The following TBC1D31 variants were observed in gnomAD, a reference collection of about 807,000 sequenced individuals.
TBC1D31 encodes WD repeat domain 67.
Under a neutral mutation model 132.9 loss-of-function variants are expected in TBC1D31, and 99 were observed. That is an observed-to-expected ratio of 0.74 (90% CI 0.63 to 0.88). The LOEUF is 0.88. TBC1D31 is among the 40% of genes least tolerant of loss of function. The pLI is 0.00. For synonymous variants in TBC1D31, 385 were observed against 419.4 expected, an observed-to-expected ratio of 0.92 and a Z score of 1.00; for missense variants, 1,134 against 1,256.6, an observed-to-expected ratio of 0.90 and a Z score of 1.48.
In TBC1D31 at chr8:123,140,897, A is replaced by G; in HGVS notation, c.2636A>G (p.Gln879Arg). 9.3e-6 allele frequency: 15 copies of G among 1,613,138 alleles called. No individual in the cohort carries two copies. The highest frequency in any genetic ancestry group is 2.7e-5 in the African/African-American group (2 of 74,996). The change falls in exon 18 of 22, where the codon CAG becomes CGG. Residue 879 changes from glutamine (Q) to arginine (R), a missense_variant. Transcript: ENST00000287380. ...EAGETQSQKT[Q>R]KVIKENLAKA... ...GGTGAAACCCAGAGCCAGAAAACTC[A>G]GAAGGTAAAAATATGATCCATTTAG...
At chr8:123,080,147 G>A (rs1814982729) in intron 2 of TBC1D31, among the ~76,000 whole-genome samples, 1 of 152,232 alleles carries the variant, frequency 6.6e-6, no homozygotes, top group African/African-American at 2.4e-5. Context: ...GTATTAGTAT[G>A]AGATGTTATC....
intron 6 of TBC1D31, 80 bp downstream of exon 6, chr8:123,097,521 T>C: frequency 7.1e-7 from 1 of 1,404,904 alleles, no homozygotes. Flanking sequence ...TCTTATTTAT[T>C]TAACTTACAC....
At chr8:123,164,141 T>G in the TBC1D31 span, among the ~76,000 whole-genome samples, 1 of 152,220 alleles carries the variant, frequency 6.6e-6, no homozygotes, top group Non-Finnish European at 1.5e-5. Context: ...TCAGCTGGGT[T>G]CAGCTCCAGG....
At chr8:123,158,567 C>G in the TBC1D31 span, among the ~76,000 whole-genome samples, 1 of 152,070 alleles carries the variant, frequency 6.6e-6, no homozygotes, top group Non-Finnish European at 1.5e-5. Context: ...ATTCACGGCA[C>G]AACTCTGTCA....
the TBC1D31 span, among the ~76,000 whole-genome samples, chr8:123,157,197 G>A: frequency 6.6e-6 from 1 of 152,168 alleles, no homozygotes; most frequent in African/African-American, 2.4e-5. Flanking sequence ...CTTCTTTCCG[G>A]CGGGGTTGTA....
chr8:123,105,214 G>T (rs1817808661), intron 7 of TBC1D31, 74 bp from the exon 8 acceptor site: 3 of 1,186,000 alleles, frequency 2.5e-6, no homozygotes, highest in Non-Finnish European at 3.3e-6. Context: ...AGCAAATTTT[G>T]AAAATCATAC....
chr8:123,136,512 G>A (rs905921709), intron 17 of TBC1D31, among the ~76,000 whole-genome samples: 5 of 152,134 alleles, frequency 3.3e-5, no homozygotes, highest in African/African-American at 1.2e-4. Flanking sequence ...GTACAATGGC[G>A]CGATCTCGGC....
At chr8:123,125,391 C>T (rs1336695550) in intron 11 of TBC1D31, among the ~76,000 whole-genome samples, 2 of 152,020 alleles carry the variant, frequency 1.3e-5, no homozygotes, top group South Asian at 2.1e-4. Context: ...CCACTGTTAC[C>T]GATTGGTTGG....
intron 20 of TBC1D31, among the ~76,000 whole-genome samples, chr8:123,145,063 A>G (rs752645067): frequency 6.6e-6 from 1 of 151,936 alleles, no homozygotes; most frequent in Non-Finnish European, 1.5e-5. Context: ...AGCTGGGACC[A>G]TAGGCGTGTA....
intron 17 of TBC1D31, among the ~76,000 whole-genome samples, chr8:123,135,572 G>A (rs920410324): frequency 6.6e-6 from 1 of 152,150 alleles, no homozygotes; most frequent in African/African-American, 2.4e-5. Context: ...TTCAGCCTGG[G>A]TGACAGAGTG....
chr8:123,082,890 T>C, intron 3 of TBC1D31, 73 bp downstream of exon 3: 2 of 1,037,176 alleles, frequency 1.9e-6, no homozygotes, highest in Non-Finnish European at 2.9e-6. Flanking sequence ...ACTTTATCAC[T>C]CTGTACAGCT....
chr8:123,085,956 C>G (rs979370951), intron 4 of TBC1D31, among the ~76,000 whole-genome samples: 1 of 152,164 alleles, frequency 6.6e-6, no homozygotes, highest in Non-Finnish European at 1.5e-5. Flanking sequence ...TAACCAACCT[C>G]TCTGGGCTTC....
At chr8:123,151,439 G>A (rs1014943) in intron 21 of TBC1D31, among the ~76,000 whole-genome samples, 33,005 of 152,066 alleles carry the variant, frequency 0.22, 4,127 homozygotes, top group African/African-American at 0.34. Context: ...TAATCATGGT[G>A]TATATTTCAC....
intron 21 of TBC1D31, among the ~76,000 whole-genome samples, chr8:123,151,316 G>A (rs750813190): frequency 1.1e-4 from 16 of 152,136 alleles, no homozygotes; most frequent in African/African-American, 2.2e-4. Context: ...AATCAGTAAC[G>A]CTCTTACACT....
chr8:123,094,146 C>A (rs1311056669), intron 5 of TBC1D31, among the ~76,000 whole-genome samples: 1 of 152,044 alleles, frequency 6.6e-6, no homozygotes. Flanking sequence ...CTCACTGCAA[C>A]CTCTGTCTCC....
In TBC1D31 at chr8:123,113,849, G is replaced by T. The variant is rs190543822; in HGVS notation, c.1436+4229G>T. 3.2e-4 allele frequency among the ~76,000 whole-genome samples: 49 copies of T among 152,148 alleles called. No individual in the cohort carries two copies. In the East Asian group the frequency reaches 8.3e-3, roughly 26 times the overall value. On this transcript the variant is annotated intron_variant, in intron 10 of 21. Coordinates refer to ENST00000287380, the MANE Select transcript of TBC1D31 (RefSeq NM_145647.4). The stretch of plus-strand genomic sequence containing the variant: ...TCAAAATTGTAACTTAAAAGGGAGG[G>T]ATTATTCTACATTAAAAGAGATAGA...
intron 20 of TBC1D31, among the ~76,000 whole-genome samples, chr8:123,148,009 C>T (rs559598051): frequency 1.3e-5 from 2 of 151,866 alleles, no homozygotes; most frequent in African/African-American, 2.4e-5. Context: ...CACCTGTAAT[C>T]GCAGCTACTC....
chr8:123,147,080 C>T (rs918497097), intron 20 of TBC1D31, among the ~76,000 whole-genome samples: 10 of 152,086 alleles, frequency 6.6e-5, no homozygotes, highest in African/African-American at 1.4e-4. Context: ...TGACTCTGCA[C>T]GAATTAAATA....
chr8:123,132,023 T>C (rs1050991411), intron 16 of TBC1D31, among the ~76,000 whole-genome samples: 1 of 152,218 alleles, frequency 6.6e-6, no homozygotes. Context: ...AAAAGGCAAG[T>C]CAATTGTCCC....
Sources: gnomAD v4.1 joint callset for allele counts (sites outside exome capture counted in the v4.1 genomes callset) on GRCh38, gnomAD v4.1.1 for gene constraint, MANE v1.5 for transcripts, NCBI Gene and HGNC (gene_info 2026-07-23, HGNC 2026-07-21) for gene names.